CCSER1: variants seen among roughly 807,000 people sequenced by gnomAD.
CCSER1 encodes coiled-coil serine rich protein 1, also known as serine-rich coiled-coil domain-containing protein 1.
In CCSER1, 41 loss-of-function variants were observed where a neutral mutation model predicts 82.0. The observed-to-expected ratio is 0.50, with a 90% confidence interval of 0.39 to 0.65. CCSER1 has a LOEUF of 0.65. CCSER1 is among the 30% of genes least tolerant of loss of function. The pLI is 0.00. For missense variants in CCSER1, 1,119 were observed against 1,064.2 expected (o/e 1.05, Z -0.72); for synonymous variants, 414 against 383.9 (o/e 1.08, Z -0.92).
intron 3 of CCSER1, among the ~76,000 whole-genome samples, chr4:90,369,377 AG>A (rs1746957202): frequency 6.6e-6 from 1 of 151,574 alleles, no homozygotes; most frequent in Non-Finnish European, 1.5e-5. Flanking sequence ...AAGAAGGAAG[AG>A]GAGAGAAAAG....
intron 5 of CCSER1, among the ~76,000 whole-genome samples, chr4:90,476,476 G>T (rs911978665): frequency 1.1e-3 from 171 of 152,176 alleles, no homozygotes; most frequent in Non-Finnish European, 6.8e-4. Flanking sequence ...AAGGCAGCCG[G>T]CTAGATGTTT....
intron 10 of CCSER1, among the ~76,000 whole-genome samples, chr4:91,120,392 A>T (rs1279353273): frequency 6.6e-6 from 1 of 151,936 alleles, no homozygotes; most frequent in Admixed American, 6.6e-5. Flanking sequence ...AAAGACAATG[A>T]GGTCAGAGTT....
intron 2 of CCSER1, 67 bp downstream of exon 2, chr4:90,309,675 T>C: frequency 8.1e-7 from 1 of 1,235,860 alleles, no homozygotes; most frequent in South Asian, 1.7e-5. Flanking sequence ...TTCAGTTTTC[T>C]TATTCCATCT....
At position 90,829,798 on chromosome 4, in the gene CCSER1, C is replaced by T. The variant is rs115980922; in HGVS notation, c.2094+13953C>T. ...GAACTTTATAGGCTGGTCTGTTTCC[C>T]GTAATTCTTTCCTTAGGGTGGGCTT... On this transcript the variant is annotated intron_variant, in intron 8 of 10. Coordinates refer to ENST00000509176, the MANE Select transcript of CCSER1 (RefSeq NM_001145065.2). Among the ~76,000 whole-genome samples, 601 of 152,282 alleles carry T rather than the reference C, an allele frequency of 3.9e-3. 5 individuals carry two copies. The highest frequency in any genetic ancestry group is 0.013 in the African/African-American group (560 of 41,564).
intron 5 of CCSER1, among the ~76,000 whole-genome samples, chr4:90,550,285 A>T (rs897415450): frequency 5.3e-5 from 8 of 152,186 alleles, no homozygotes; most frequent in African/African-American, 1.9e-4. Context: ...GAAGCACATT[A>T]TTTATTGATA....
chr4:91,413,878 T>A (rs1290894764), intron 10 of CCSER1, among the ~76,000 whole-genome samples: 1 of 150,524 alleles, frequency 6.6e-6, no homozygotes, highest in Non-Finnish European at 1.5e-5. Context: ...CAGGAGAGAG[T>A]GGGATAATAT....
At chr4:90,735,777 TTCTTTA>T (rs1368337327) in intron 7 of CCSER1, among the ~76,000 whole-genome samples, 1 of 152,090 alleles carries the variant, frequency 6.6e-6, no homozygotes, top group Non-Finnish European at 1.5e-5. Context: ...TCTTTTCTAG[TTCTTTA>T]AAATGCATTG....
intron 4 of CCSER1, among the ~76,000 whole-genome samples, chr4:90,460,044 C>CAAGAAAAAAACTGAGATTAAAT (rs1762676924): frequency 2.0e-4 from 30 of 151,738 alleles, no homozygotes; most frequent in African/African-American, 7.1e-4. Flanking sequence ...AAAACTAAGG[C>CAAGAAAAAAACTGAGATTAAAT]GGCCGGGCGC....
At chr4:90,304,902 CTGT>C (rs1427946961) in intron 1 of CCSER1, among the ~76,000 whole-genome samples, 1 of 151,562 alleles carries the variant, frequency 6.6e-6, no homozygotes, top group African/African-American at 2.4e-5. Flanking sequence ...CTTTCATTTA[CTGT>C]TGTTGTTGGT....
At chr4:90,807,812 A>G (rs1457575803) in intron 7 of CCSER1, among the ~76,000 whole-genome samples, 3 of 152,156 alleles carry the variant, frequency 2.0e-5, no homozygotes, top group Non-Finnish European at 4.4e-5. Flanking sequence ...GAAAATGACC[A>G]TATTGTCCAA....
chr4:90,523,661 A>T (rs1773404793), intron 5 of CCSER1, among the ~76,000 whole-genome samples: 2 of 152,168 alleles, frequency 1.3e-5, no homozygotes, highest in African/African-American at 4.8e-5. Context: ...GAAGTTCCAC[A>T]GTTGGTTCTA....
chr4:90,409,721 A>G (rs62312939), intron 4 of CCSER1, among the ~76,000 whole-genome samples: 1 of 152,196 alleles, frequency 6.6e-6, no homozygotes, highest in Admixed American at 6.5e-5. Flanking sequence ...AACTGCATCA[A>G]CTAAAGAGCA....
At chr4:90,949,341 A>G (rs1465813666) in intron 9 of CCSER1, among the ~76,000 whole-genome samples, 1 of 152,156 alleles carries the variant, frequency 6.6e-6, no homozygotes. Context: ...AGTAGATGAT[A>G]TAAAAACACA....
intron 10 of CCSER1, among the ~76,000 whole-genome samples, chr4:91,565,121 T>C (rs895576398): frequency 1.6e-4 from 24 of 151,414 alleles, no homozygotes; most frequent in African/African-American, 5.8e-4. Flanking sequence ...TGCATATGGC[T>C]AGCCAGTTAT....
intron 10 of CCSER1, among the ~76,000 whole-genome samples, chr4:91,307,879 G>A (rs1289367224): frequency 6.6e-6 from 1 of 151,896 alleles, no homozygotes; most frequent in Admixed American, 6.6e-5. Context: ...GGTCCATGAA[G>A]CAATGATATG....
intron 5 of CCSER1, among the ~76,000 whole-genome samples, chr4:90,569,646 C>T (rs1042953861): frequency 6.6e-6 from 1 of 152,192 alleles, no homozygotes; most frequent in African/African-American, 2.4e-5. Flanking sequence ...CAGACAGAGG[C>T]ACAATTTGTA....
At chr4:90,606,836 A>T (rs1298220555) in intron 5 of CCSER1, among the ~76,000 whole-genome samples, 1 of 152,202 alleles carries the variant, frequency 6.6e-6, no homozygotes, top group African/African-American at 2.4e-5. Flanking sequence ...ACTCATACAG[A>T]TAAACTAGGT....
In CCSER1 at chr4:91,479,770, T is replaced by A. The variant is rs560911018; in HGVS notation, c.2218-118802T>A. Among the ~76,000 whole-genome samples, 610 of 148,322 alleles carry A rather than the reference T, an allele frequency of 4.1e-3. 2 individuals are homozygous for A. Among genetic ancestry groups the A allele is most frequent in the Non-Finnish European group, 7.5e-3 (502 of 67,086 alleles). On this transcript the variant is annotated intron_variant, in intron 10 of 10. Coordinates refer to ENST00000509176, the MANE Select transcript of CCSER1 (RefSeq NM_001145065.2). ...TAATTTTTTTATTATACTTTAAGTT[T>A]TAGGGTACATGTGCACATTGTGCAG...
At chr4:91,545,446 A>G (rs1761839599) in intron 10 of CCSER1, among the ~76,000 whole-genome samples, 1 of 152,136 alleles carries the variant, frequency 6.6e-6, no homozygotes, top group Non-Finnish European at 1.5e-5. Context: ...CTATTTGGCC[A>G]TCTTGGAACC....
Sources: gnomAD v4.1 joint callset for allele counts (sites outside exome capture counted in the v4.1 genomes callset) on GRCh38, gnomAD v4.1.1 for gene constraint, MANE v1.5 for transcripts, NCBI Gene and HGNC (gene_info 2026-07-23, HGNC 2026-07-21) for gene names.